Variants in NUP98 observed in about 807,000 individuals in gnomAD.
NUP98 encodes nuclear pore complex protein Nup98-Nup96.
In NUP98, 26 loss-of-function variants were observed where a neutral mutation model predicts 191.9. That is an observed-to-expected ratio of 0.14 (90% CI 0.10 to 0.19). The LOEUF (loss-of-function observed/expected upper bound fraction) is 0.19, where lower values mean the gene tolerates loss of function less well. Ranked by LOEUF, NUP98 falls within the 10% of genes least tolerant of loss-of-function variation. The pLI is 1.00. For synonymous variants in NUP98, 808 were observed against 778.4 expected (o/e 1.04, Z -0.63); for missense variants, 1,941 against 2,178.8 (o/e 0.89, Z 2.17).
At chr11:3,744,811 C>A (rs573322866) in intron 11 of NUP98, among the ~76,000 whole-genome samples, 162 bp from the exon 12 acceptor site, 5 of 152,300 alleles carry the variant, frequency 3.3e-5, no homozygotes, top group South Asian at 2.1e-4. Context: ...TCAAGTACTG[C>A]GCTCAGTACA....
rs762469124 is a variant in NUP98, at chr11:3,691,382, A to G, written c.4419T>C (p.Asp1473=). The change falls in exon 28 of 33, where the codon GAT becomes GAC. Residue 1473 remains aspartate (D), a synonymous_variant. Transcript: ENST00000324932. ...AGAGTTTTAGAAGGTGAAAGCAGAC[A>G]TCTCGAAGTGGTGTCTGTGAGTTTT... The part of the protein sequence containing the change: ...EEQNSQTPLR[D]VCFHLLKLYS... The G allele has an allele frequency of 6.2e-7, 1 of 1,614,202 alleles. No individual in the cohort carries two copies. Among genetic ancestry groups the G allele is most frequent in the Admixed American group, 1.7e-5 (1 of 60,022 alleles).
chr11:3,676,823 G>T (rs2077828160), intron 31 of NUP98: 1 of 683,658 alleles, frequency 1.5e-6, no homozygotes, highest in Non-Finnish European at 2.7e-6. Flanking sequence ...AGGTAACACA[G>T]TTACCTAGCC....
chr11:3,759,216 A>G (rs187069422), intron 10 of NUP98, among the ~76,000 whole-genome samples: 66 of 152,286 alleles, frequency 4.3e-4, no homozygotes, highest in African/African-American at 1.4e-3. Context: ...TTGAACCACT[A>G]TTTCCCTCGA....
intron 28 of NUP98, among the ~76,000 whole-genome samples, chr11:3,690,426 A>T (rs2134052077): frequency 6.6e-6 from 1 of 151,198 alleles, no homozygotes; most frequent in South Asian, 2.1e-4. Context: ...CGTCCAGATA[A>T]TTTTTTTGTA....
At chr11:3,787,624 T>C (rs1460974174) in intron 1 of NUP98, among the ~76,000 whole-genome samples, 1 of 152,010 alleles carries the variant, frequency 6.6e-6, no homozygotes, top group East Asian at 1.9e-4. Context: ...TCTCCTTTTC[T>C]TCCTAAAAAT....
rs143575718 is a variant in NUP98, at chr11:3,675,603, G to T, written c.*556C>A. 358 of 240,726 alleles carry T rather than the reference G, an allele frequency of 1.5e-3. 1 individual carries two copies. The highest frequency in any genetic ancestry group is 7.3e-3 in the African/African-American group (333 of 45,350). The allele number at this position is 240,726 out of a possible 1,614,324, so 14.9% of individuals were successfully genotyped here. ...TGACAGGCATTCACTTCTGCCCTAAGTGTGTCAGAAAGATCCCATTTTGTT... is the reference window on the plus strand; with the variant it reads ...TGACAGGCATTCACTTCTGCCCTAATTGTGTCAGAAAGATCCCATTTTGTT... On this transcript the variant is annotated 3_prime_UTR_variant, in exon 33 of 33. Transcript: ENST00000324932.
intron 7 of NUP98, among the ~76,000 whole-genome samples, chr11:3,769,437 C>CA (rs932223474): frequency 1.3e-4 from 19 of 150,798 alleles, no homozygotes; most frequent in African/African-American, 3.7e-4. Flanking sequence ...CAACCCCCAC[C>CA]AAAAAAACAG....
chr11:3,725,129 T>G lies in NUP98; in HGVS notation c.1821A>C (p.Pro607=). ...TCTCTCCATTTTCTGGATATTCAGA[T>G]GGTGAAGCTAGATTTTCTGAATCAC... The part of the protein sequence containing the change: ...VNRDSENLAS[P]SEYPENGERF... Residue 607 remains proline, a synonymous_variant, in exon 15 of 33, where the codon CCA becomes CCC. Transcript: ENST00000324932. 1 of 1,581,166 alleles carries G rather than the reference T, an allele frequency of 6.3e-7. No individual in the cohort carries two copies. The highest frequency in any genetic ancestry group is 8.7e-7 in the Non-Finnish European group (1 of 1,150,896).
chr11:3,766,113 A>G (rs1334668901), intron 8 of NUP98, among the ~76,000 whole-genome samples: 1 of 152,162 alleles, frequency 6.6e-6, no homozygotes, highest in Non-Finnish European at 1.5e-5. Context: ...AGCTGCTCAC[A>G]CCTGTAATCT....
intron 17 of NUP98, among the ~76,000 whole-genome samples, 153 bp downstream of exon 17, chr11:3,720,559 G>A (rs915288286): frequency 9.2e-5 from 14 of 152,066 alleles, no homozygotes; most frequent in African/African-American, 3.4e-4. Flanking sequence ...AGTCTTTCTT[G>A]TTTTGTTACT....
At chr11:3,785,716 GC>G (rs2082121110) in intron 1 of NUP98, among the ~76,000 whole-genome samples, 1 of 152,168 alleles carries the variant, frequency 6.6e-6, no homozygotes, top group South Asian at 2.1e-4. Flanking sequence ...TTGAGATCGT[GC>G]CACTGCACTC....
At chr11:3,793,527 C>T (rs71480411) in intron 1 of NUP98, among the ~76,000 whole-genome samples, 1,876 of 152,046 alleles carry the variant, frequency 0.012, 19 homozygotes, top group South Asian at 0.026. Context: ...ACCTTGTGAT[C>T]CACCCGCTTC....
At chr11:3,766,015 T>A (rs1296334002) in intron 8 of NUP98, among the ~76,000 whole-genome samples, 1 of 152,166 alleles carries the variant, frequency 6.6e-6, no homozygotes, top group Non-Finnish European at 1.5e-5. Flanking sequence ...TCACTTCTAT[T>A]CAATTGGTCT....
At chr11:3,688,586 G>C (rs979683980) in intron 28 of NUP98, among the ~76,000 whole-genome samples, 2 of 151,210 alleles carry the variant, frequency 1.3e-5, no homozygotes, top group African/African-American at 4.8e-5. Flanking sequence ...CTTGAGGTCA[G>C]GAGTTCGAGA....
At chr11:3,778,070 G>A in intron 4 of NUP98, among the ~76,000 whole-genome samples, 1 of 151,608 alleles carries the variant, frequency 6.6e-6, no homozygotes. Flanking sequence ...ATGGTGGCAG[G>A]CGCCTGTAGT....
At chr11:3,725,766 T>A (rs2079594555) in intron 14 of NUP98, among the ~76,000 whole-genome samples, 1 of 152,350 alleles carries the variant, frequency 6.6e-6, no homozygotes, top group Admixed American at 6.5e-5. Flanking sequence ...AATCCTGTTA[T>A]CAAATAATGC....
At position 3,683,204 on chromosome 11, in the gene NUP98, A is replaced by C. The variant is rs146355888; in HGVS notation, c.4914T>G (p.Ala1638=). ...GATGTGGAACCCAGCACTCACCAGA[A>C]GCTAAGTGTCGGATGATGAGCTTGT... The part of the protein sequence containing the change: ...RCHKLIIRHL[A]SDAIINENYD... The change falls in exon 30 of 33, where the codon GCT becomes GCG. Residue 1638 remains alanine, a synonymous_variant. Transcript: ENST00000324932. The C allele has an allele frequency of 1.3e-4, 216 of 1,614,176 alleles. No homozygotes were observed. The highest frequency in any genetic ancestry group is 1.5e-4 in the Non-Finnish European group (178 of 1,180,018).
At chr11:3,795,114 T>G (rs1425837035) in intron 1 of NUP98, among the ~76,000 whole-genome samples, 1 of 152,220 alleles carries the variant, frequency 6.6e-6, no homozygotes, top group Non-Finnish European at 1.5e-5. Flanking sequence ...AAAATTCTAC[T>G]TGCTCTTAGT....
chr11:3,745,379 C>A lies in NUP98; in HGVS notation c.1268-730G>T, dbSNP rs116494154. 1.7e-3 allele frequency among the ~76,000 whole-genome samples: 265 copies of A among 152,236 alleles called. 1 individual carries two copies. The highest frequency in any genetic ancestry group is 6.1e-3 in the African/African-American group (254 of 41,540). Reference sequence around the variant, plus strand: ...AACGTCTTCTGGTGAGGTTACTAAACAGACTCAAATTTCAGCACGAACCAG... The same window carrying A: ...AACGTCTTCTGGTGAGGTTACTAAAAAGACTCAAATTTCAGCACGAACCAG... On this transcript the variant is annotated intron_variant, in intron 11 of 32. Transcript: ENST00000324932.
Sources: gnomAD v4.1 joint callset for allele counts (sites outside exome capture counted in the v4.1 genomes callset) on GRCh38, gnomAD v4.1.1 for gene constraint, MANE v1.5 for transcripts, NCBI Gene and HGNC (gene_info 2026-07-23, HGNC 2026-07-21) for gene names.